The following SLC4A4 variants were observed in gnomAD, a reference collection of about 807,000 sequenced individuals.
SLC4A4 encodes the protein solute carrier family 4 member 4.
Under a neutral mutation model 111.5 loss-of-function variants are expected in SLC4A4, and 27 were observed. The ratio of observed to expected loss-of-function variants is 0.24; its 90% CI spans 0.18 to 0.33. The LOEUF (loss-of-function observed/expected upper bound fraction) is 0.33. Among genes scored for constraint, SLC4A4 ranks in the 10% least tolerant of loss-of-function variants. The pLI, the probability that SLC4A4 is intolerant of heterozygous loss-of-function variation, is 1.00. For missense variants in SLC4A4, 909 were observed against 1,315.5 expected, an observed-to-expected ratio of 0.69 and a Z score of 4.78; for synonymous variants, 443 against 463.4, an observed-to-expected ratio of 0.96 and a Z score of 0.57.
At chr4:71,280,248 A>G (rs1230107253) in intron 3 of SLC4A4, among the ~76,000 whole-genome samples, 1 of 151,920 alleles carries the variant, frequency 6.6e-6, no homozygotes, top group African/African-American at 2.4e-5. Flanking sequence ...TTCTTTGACC[A>G]TTTTTTCTTT....
At chr4:71,488,035 T>C (rs1483829095) in intron 15 of SLC4A4, among the ~76,000 whole-genome samples, 1 of 151,486 alleles carries the variant, frequency 6.6e-6, no homozygotes, top group Non-Finnish European at 1.5e-5. Context: ...GGTCAGCCTA[T>C]TGCCTAAAAG....
At chr4:71,486,898 CT>C in intron 14 of SLC4A4, 49 bp from the exon 15 acceptor site, 5 of 1,140,610 alleles carry the variant, frequency 4.4e-6, no homozygotes, top group Non-Finnish European at 6.4e-6. Flanking sequence ...CATTTAAGGT[CT>C]TTTTCTATTT....
At chr4:71,180,502 C>T (rs1745253980) in intron 2 of SLC4A4, among the ~76,000 whole-genome samples, 1 of 152,124 alleles carries the variant, frequency 6.6e-6, no homozygotes, top group South Asian at 2.1e-4. Flanking sequence ...AACAAATTTA[C>T]AAGAAAAAAA....
intron 2 of SLC4A4, among the ~76,000 whole-genome samples, chr4:71,106,239 G>C (rs1227507665): frequency 1.4e-5 from 2 of 147,906 alleles, no homozygotes; most frequent in African/African-American, 5.0e-5. Flanking sequence ...TCTCACACCA[G>C]TTAGAAAGGC....
At chr4:71,150,995 T>G (rs1479294994) in intron 2 of SLC4A4, among the ~76,000 whole-genome samples, 1 of 152,216 alleles carries the variant, frequency 6.6e-6, no homozygotes, top group Non-Finnish European at 1.5e-5. Context: ...TGTGAGGACA[T>G]GAAAATATCC....
intron 1 of SLC4A4, among the ~76,000 whole-genome samples, chr4:71,064,688 C>A (rs912095378): frequency 3.3e-5 from 5 of 152,170 alleles, no homozygotes; most frequent in Non-Finnish European, 7.4e-5. Context: ...CCTGGGCACA[C>A]AATTTCAGGA....
chr4:71,542,573 A>C (rs1360903440), intron 18 of SLC4A4, among the ~76,000 whole-genome samples: 1 of 152,090 alleles, frequency 6.6e-6, no homozygotes, highest in Non-Finnish European at 1.5e-5. Context: ...TCATTTTCTC[A>C]GAATGGCAAC....
intron 13 of SLC4A4, among the ~76,000 whole-genome samples, chr4:71,467,737 C>A (rs1727507045): frequency 6.6e-6 from 1 of 152,054 alleles, no homozygotes; most frequent in African/African-American, 2.4e-5. Flanking sequence ...CACATTAATA[C>A]ACAAATAGAT....
intron 14 of SLC4A4, among the ~76,000 whole-genome samples, chr4:71,477,296 T>A (rs980809730): frequency 6.6e-6 from 1 of 151,710 alleles, no homozygotes; most frequent in African/African-American, 2.4e-5. Flanking sequence ...GAGTAAAAAT[T>A]TGTTCTTTTT....
intron 1 of SLC4A4, among the ~76,000 whole-genome samples, chr4:71,072,829 G>A (rs977163833): frequency 3.9e-5 from 6 of 151,940 alleles, no homozygotes; most frequent in African/African-American, 9.7e-5. Context: ...GTGCAGTGGC[G>A]TGATTGCAGC....
chr4:71,210,294 C>G (rs1718051206), intron 1 of SLC4A4, among the ~76,000 whole-genome samples: 1 of 152,220 alleles, frequency 6.6e-6, no homozygotes, highest in Non-Finnish European at 1.5e-5. Context: ...TACCATTATC[C>G]TTCTTGGCTG....
At chr4:71,262,340 A>G (rs1722828255) in intron 3 of SLC4A4, among the ~76,000 whole-genome samples, 1 of 152,180 alleles carries the variant, frequency 6.6e-6, no homozygotes, top group Non-Finnish European at 1.5e-5. Context: ...CCTACTCTAT[A>G]AATAAATTCT....
chr4:71,545,823 C>T (rs1164593174), intron 18 of SLC4A4, among the ~76,000 whole-genome samples: 2 of 152,006 alleles, frequency 1.3e-5, no homozygotes, highest in African/African-American at 2.4e-5. Context: ...TACTACTCAG[C>T]GCTGTCCAGT....
chr4:71,466,627 C>A (rs908920445), intron 13 of SLC4A4, 50 bp downstream of exon 13: 2 of 1,545,654 alleles, frequency 1.3e-6, no homozygotes, highest in Non-Finnish European at 1.8e-6. Flanking sequence ...AATTGTAGAA[C>A]CTTTATAGGC....
intron 5 of SLC4A4, among the ~76,000 whole-genome samples, chr4:71,356,482 A>G (rs1392939137): frequency 6.6e-6 from 1 of 152,170 alleles, no homozygotes; most frequent in African/African-American, 2.4e-5. Flanking sequence ...TCTTTCTTTC[A>G]TTGGATTAAC....
chr4:71,556,816 C>T (rs1736513639), intron 21 of SLC4A4, among the ~76,000 whole-genome samples: 2 of 151,924 alleles, frequency 1.3e-5, no homozygotes, highest in South Asian at 4.1e-4. Flanking sequence ...TTGTGATGGT[C>T]TAATTTACTT....
intron 21 of SLC4A4, among the ~76,000 whole-genome samples, chr4:71,556,077 A>G (rs1028731451): frequency 1.3e-5 from 2 of 151,990 alleles, no homozygotes; most frequent in Non-Finnish European, 1.5e-5. Flanking sequence ...GAACCCCTTC[A>G]AAATAGTCCT....
At chr4:71,452,274 TC>T (rs1725842465) in intron 11 of SLC4A4, among the ~76,000 whole-genome samples, 1 of 152,178 alleles carries the variant, frequency 6.6e-6, no homozygotes. Flanking sequence ...TCTCCTCTCC[TC>T]CCCTAACCTT....
chr4:71,334,562 C>A (rs1159396714), intron 3 of SLC4A4, among the ~76,000 whole-genome samples: 1 of 152,070 alleles, frequency 6.6e-6, no homozygotes, highest in Admixed American at 6.6e-5. Flanking sequence ...GCTCTGAGCC[C>A]AGTACAGCAC....
Sources: gnomAD v4.1 joint callset for allele counts (sites outside exome capture counted in the v4.1 genomes callset) on GRCh38, gnomAD v4.1.1 for gene constraint, MANE v1.5 for transcripts, NCBI Gene and HGNC (gene_info 2026-07-23, HGNC 2026-07-21) for gene names.